Variants in FHIT observed in about 807,000 individuals in gnomAD.
FHIT encodes the protein bis(5'-adenosyl)-triphosphatase.
FHIT carries 19 observed loss-of-function variants against 17.9 expected under a neutral mutation model. The ratio of observed to expected loss-of-function variants is 1.06; its 90% confidence interval spans 0.74 to 1.56. FHIT has a LOEUF of 1.56. Among genes scored for constraint, FHIT ranks in the 40% most tolerant of loss-of-function variants. The pLI is 0.00. For synonymous variants in FHIT, 81 were observed against 69.7 expected (o/e 1.16, Z -0.81); for missense variants, 248 against 189.2 (o/e 1.31, Z -1.82).
At chr3:60,561,004 G>C (rs2036923224) in intron 4 of FHIT, among the ~76,000 whole-genome samples, 1 of 151,948 alleles carries the variant, frequency 6.6e-6, no homozygotes, top group African/African-American at 2.4e-5. Context: ...AGTGAGCAAA[G>C]TGCCAGGCAA....
At position 61,206,581 on chromosome 3, in the gene FHIT, T is replaced by C. The variant is rs146049714; in HGVS notation, c.-212-5916A>G. ...AGGTATTTTATTCTCTTTGAAGCAG[T>C]TGTGAATGGGAGTTCACTCATGATT... On this transcript the variant is annotated intron_variant, in intron 1 of 9. Coordinates refer to ENST00000492590, the MANE Select transcript of FHIT (RefSeq NM_002012.4). Among the ~76,000 whole-genome samples, 195 of 152,356 alleles carry C rather than the reference T, an allele frequency of 1.3e-3. 4 individuals carry two copies. The East Asian group carries it at 0.025, about 20-fold the overall frequency.
chr3:60,209,723 G>A (rs2107513020), intron 5 of FHIT, among the ~76,000 whole-genome samples: 1 of 152,180 alleles, frequency 6.6e-6, no homozygotes, highest in South Asian at 2.1e-4. Flanking sequence ...AGAAAATGTG[G>A]TACATATACA....
intron 5 of FHIT, among the ~76,000 whole-genome samples, chr3:60,290,929 G>A (rs989009584): frequency 2.0e-5 from 3 of 152,166 alleles, no homozygotes; most frequent in Admixed American, 2.0e-4. Context: ...GGGGCTGGAG[G>A]AGTGAAGTCC....
intron 3 of FHIT, among the ~76,000 whole-genome samples, chr3:60,850,685 C>A (rs1174962035): frequency 6.6e-6 from 1 of 152,138 alleles, no homozygotes; most frequent in African/African-American, 2.4e-5. Context: ...CTATGGCCAA[C>A]CAGGTCCAAT....
At chr3:61,050,472 G>A (rs928092202) in intron 2 of FHIT, among the ~76,000 whole-genome samples, 45 of 152,116 alleles carry the variant, frequency 3.0e-4, no homozygotes, top group African/African-American at 1.1e-3. Context: ...ATATGGACTG[G>A]ATATTAGAAA....
intron 5 of FHIT, among the ~76,000 whole-genome samples, chr3:60,308,700 A>C (rs554447716): frequency 1.7e-4 from 26 of 152,112 alleles, no homozygotes; most frequent in African/African-American, 6.0e-4. Flanking sequence ...GAGATAATGC[A>C]TATGAAATGT....
chr3:60,652,558 C>T (rs1196617590), intron 4 of FHIT, among the ~76,000 whole-genome samples: 2 of 151,928 alleles, frequency 1.3e-5, no homozygotes, highest in African/African-American at 4.8e-5. Flanking sequence ...ATGGTGAAAC[C>T]CCATCTCTAC....
At chr3:61,031,757 G>A (rs1177062363) in intron 3 of FHIT, among the ~76,000 whole-genome samples, 2 of 152,170 alleles carry the variant, frequency 1.3e-5, no homozygotes, top group African/African-American at 4.8e-5. Flanking sequence ...CAAGGCCTGT[G>A]TTCACTAAGA....
rs75660667 is a variant in FHIT at position 60,311,382 on chromosome 3, C to T, written c.103+225478G>A. On this transcript the variant is annotated intron_variant, in intron 5 of 9. Transcript: ENST00000492590. The stretch of plus-strand genomic sequence containing the variant: ...CAAGTACCATATTGGTTATGCTTCT[C>T]AGGGTACTGCATCAGGAGACACACA... Among the ~76,000 whole-genome samples the T allele has an allele frequency of 6.9e-3, 1,055 of 152,140 alleles. 62 individuals carry two copies. In the East Asian group the frequency reaches 0.15, roughly 22 times the overall value.
chr3:60,324,340 C>A (rs1027081684), intron 5 of FHIT, among the ~76,000 whole-genome samples: 1 of 280 alleles, frequency 3.6e-3, no homozygotes, highest in African/African-American at 0.012. Context: ...AATCCCAGAA[C>A]TTTGGAGGCT....
At chr3:61,236,542 C>T (rs2040235712) in intron 1 of FHIT, among the ~76,000 whole-genome samples, 1 of 152,158 alleles carries the variant, frequency 6.6e-6, no homozygotes, top group Middle Eastern at 3.2e-3. Context: ...CCCTGAAGTG[C>T]TCTACCCAGG....
intron 4 of FHIT, among the ~76,000 whole-genome samples, chr3:60,604,674 G>A (rs2038550603): frequency 6.6e-6 from 1 of 152,098 alleles, no homozygotes; most frequent in South Asian, 2.1e-4. Flanking sequence ...GAAGGAGCAT[G>A]AAATGGGAAA....
chr3:60,523,139 G>A (rs140965592), intron 5 of FHIT, among the ~76,000 whole-genome samples: 65 of 152,164 alleles, frequency 4.3e-4, no homozygotes, highest in Middle Eastern at 6.8e-3. Context: ...ATCTCCCACG[G>A]GCTCCCTCCC....
intron 5 of FHIT, among the ~76,000 whole-genome samples, chr3:60,473,934 G>T (rs907784837): frequency 6.7e-6 from 1 of 149,152 alleles, no homozygotes; most frequent in South Asian, 2.2e-4. Context: ...AAAAAAAAAA[G>T]AAAAAAAGAA....
intron 1 of FHIT, among the ~76,000 whole-genome samples, chr3:61,233,953 A>C (rs564804321): frequency 1.3e-5 from 2 of 152,268 alleles, no homozygotes; most frequent in South Asian, 4.1e-4. Flanking sequence ...GAAGAAACAA[A>C]CCTCTATTCT....
chr3:61,094,124 G>A (rs1220482975), intron 2 of FHIT, among the ~76,000 whole-genome samples: 1 of 67,872 alleles, frequency 1.5e-5, no homozygotes, highest in East Asian at 2.1e-4. Context: ...ATGCAACCAA[G>A]TGTGTGTGTG....
chr3:59,954,206 A>G (rs76041214), intron 7 of FHIT, among the ~76,000 whole-genome samples: 3 of 141,010 alleles, frequency 2.1e-5, no homozygotes, highest in Non-Finnish European at 3.0e-5. Context: ...CATTTTTCAG[A>G]AGTTATTTTG....
chr3:61,014,799 AAAAAAAAAATAT>A (rs2031998491), intron 3 of FHIT, among the ~76,000 whole-genome samples: 2 of 77,026 alleles, frequency 2.6e-5, no homozygotes, highest in South Asian at 8.3e-4. Flanking sequence ...AAAAAAAAAA[AAAAAAAAAATAT>A]ATATATATAT....
At chr3:61,168,948 T>C (rs1329106633) in intron 2 of FHIT, among the ~76,000 whole-genome samples, 3 of 144,070 alleles carry the variant, frequency 2.1e-5, no homozygotes, top group Non-Finnish European at 3.1e-5. Flanking sequence ...AGCACACATA[T>C]TGATCTCTAT....
Sources: gnomAD v4.1 joint callset for allele counts (sites outside exome capture counted in the v4.1 genomes callset) on GRCh38, gnomAD v4.1.1 for gene constraint, MANE v1.5 for transcripts, NCBI Gene and HGNC (gene_info 2026-07-23, HGNC 2026-07-21) for gene names.